The following ADAMTS12 variants were observed in gnomAD, a reference collection of about 807,000 sequenced individuals.
ADAMTS12 encodes the protein ADAM metallopeptidase with thrombospondin type 1 motif 12, also known as A disintegrin and metalloproteinase with thrombospondin motifs 12.
ADAMTS12 carries 118 observed loss-of-function variants against 167.8 expected under a neutral mutation model. The observed-to-expected ratio is 0.70, with a 90% CI of 0.61 to 0.82. The LOEUF (loss-of-function observed/expected upper bound fraction) is 0.82. Ranked by LOEUF, ADAMTS12 falls within the 40% of genes least tolerant of loss-of-function variation. The pLI is 0.00. For missense variants in ADAMTS12, 1,916 were observed against 1,998.8 expected (o/e 0.96, Z 0.79); for synonymous variants, 704 against 716.9 (o/e 0.98, Z 0.29).
intron 2 of ADAMTS12, among the ~76,000 whole-genome samples, chr5:33,793,421 C>T (rs943006543): frequency 6.6e-6 from 1 of 152,126 alleles, no homozygotes; most frequent in Non-Finnish European, 1.5e-5. Flanking sequence ...TTCTGAATTG[C>T]TTAAAATAGT....
At chr5:33,607,222 C>A (rs1738491859) in intron 16 of ADAMTS12, among the ~76,000 whole-genome samples, 1 of 151,784 alleles carries the variant, frequency 6.6e-6, no homozygotes, top group African/African-American at 2.4e-5. Flanking sequence ...AGGCCCAATG[C>A]AATGCAATGC....
rs573216073 is a variant in ADAMTS12, at chr5:33,804,039, A to G, written c.490-52491T>C. Among the ~76,000 whole-genome samples the G allele has an allele frequency of 4.5e-4, 69 of 152,296 alleles. 1 individual carries two copies. The South Asian group carries it at 0.014, about 31-fold the overall frequency. On this transcript the variant is annotated intron_variant, in intron 2 of 23. Transcript: ENST00000504830. ...AATGTCTTTAACTTCCCTAGGCCTT[A>G]ATTTTCTCATTAAAAATGGAGACAG...
At chr5:33,713,969 T>C (rs1743504590) in intron 3 of ADAMTS12, among the ~76,000 whole-genome samples, 1 of 152,114 alleles carries the variant, frequency 6.6e-6, no homozygotes, top group African/African-American at 2.4e-5. Context: ...AAGAGCATGG[T>C]AGTCTTGGTT....
At chr5:33,767,124 T>C (rs955638563) in intron 2 of ADAMTS12, among the ~76,000 whole-genome samples, 1 of 152,196 alleles carries the variant, frequency 6.6e-6, no homozygotes, top group South Asian at 2.1e-4. Context: ...ATGTGTTACA[T>C]TTTTAACGAC....
chr5:33,537,786 T>G (rs773643050), intron 22 of ADAMTS12, among the ~76,000 whole-genome samples: 1 of 152,244 alleles, frequency 6.6e-6, no homozygotes, highest in Non-Finnish European at 1.5e-5. Flanking sequence ...GCTGTGCCGG[T>G]GCAACTATGC....
At chr5:33,722,270 C>T (rs1743833306) in intron 3 of ADAMTS12, among the ~76,000 whole-genome samples, 1 of 152,128 alleles carries the variant, frequency 6.6e-6, no homozygotes, top group African/African-American at 2.4e-5. Context: ...TAGATCTTTC[C>T]AATGGACAAG....
At chr5:33,774,783 G>GT (rs1305919959) in intron 2 of ADAMTS12, among the ~76,000 whole-genome samples, 4 of 152,128 alleles carry the variant, frequency 2.6e-5, no homozygotes, top group Non-Finnish European at 4.4e-5. Flanking sequence ...TTCATTAACT[G>GT]TTACTCATGT....
intron 2 of ADAMTS12, among the ~76,000 whole-genome samples, chr5:33,837,312 G>A (rs528844390): frequency 1.3e-5 from 2 of 152,300 alleles, no homozygotes; most frequent in African/African-American, 2.4e-5. Flanking sequence ...AGACAGAATC[G>A]ACCAGGCAAT....
At chr5:33,850,299 T>A (rs1820137) in intron 2 of ADAMTS12, among the ~76,000 whole-genome samples, 71,062 of 151,928 alleles carry the variant, frequency 0.47, 18,577 homozygotes, top group African/African-American at 0.69. Context: ...AAAGTTTCAC[T>A]AAAAGAGAGG....
chr5:33,601,106 AGTGTGTGTGTGTGTGT>A (rs55841502), intron 16 of ADAMTS12, among the ~76,000 whole-genome samples: 91 of 145,920 alleles, frequency 6.2e-4, no homozygotes, highest in Middle Eastern at 3.5e-3. Context: ...CACATTTAAG[AGTGTGTGTGTGTGTGT>A]GTGTGTGTGT....
At position 33,569,720 on chromosome 5, in the gene ADAMTS12, C is replaced by T. The variant is rs570842396; in HGVS notation, c.3972+6334G>A. Among the ~76,000 whole-genome samples, 4 of 152,302 alleles carry T rather than the reference C, an allele frequency of 2.6e-5. No homozygotes were observed. In the East Asian group the frequency reaches 7.7e-4, roughly 29 times the overall value. ...TCCTCCAAAGGAATGCAGTTCCTCA[C>T]CAGCAATGGAACAAAGCTGGATGGA... On this transcript the variant is annotated intron_variant, in intron 19 of 23. Coordinates refer to ENST00000504830, the MANE Select transcript of ADAMTS12 (RefSeq NM_030955.4).
chr5:33,529,629 T>G (rs907085802), intron 23 of ADAMTS12, among the ~76,000 whole-genome samples: 2 of 152,170 alleles, frequency 1.3e-5, no homozygotes, highest in African/African-American at 4.8e-5. Context: ...TTTTTTCACC[T>G]TTAGATCATA....
At chr5:33,534,048 A>T (rs548585797) in intron 23 of ADAMTS12, among the ~76,000 whole-genome samples, 5 of 152,314 alleles carry the variant, frequency 3.3e-5, no homozygotes, top group African/African-American at 9.6e-5. Flanking sequence ...TGAAGCCCAA[A>T]CAATCAGTGG....
intron 2 of ADAMTS12, among the ~76,000 whole-genome samples, chr5:33,818,227 T>C (rs2112497902): frequency 6.6e-6 from 1 of 152,178 alleles, no homozygotes; most frequent in Admixed American, 6.5e-5. Context: ...ATATATATCT[T>C]ATATATTTGC....
At chr5:33,704,205 T>G (rs1579855070) in intron 3 of ADAMTS12, among the ~76,000 whole-genome samples, 1 of 152,194 alleles carries the variant, frequency 6.6e-6, no homozygotes, top group Non-Finnish European at 1.5e-5. Flanking sequence ...ACAACAGTAT[T>G]TCATTGTATG....
At chr5:33,865,465 C>T (rs182770154) in intron 2 of ADAMTS12, among the ~76,000 whole-genome samples, 1 of 151,980 alleles carries the variant, frequency 6.6e-6, no homozygotes. Context: ...AATGGACATA[C>T]CTCAAAATAA....
At chr5:33,881,625 G>A (rs1421115014) in intron 1 of ADAMTS12, 145 bp from the exon 2 acceptor site, 10 of 1,184,172 alleles carry the variant, frequency 8.4e-6, no homozygotes, top group Non-Finnish European at 1.2e-5. Context: ...GCAATGGCAC[G>A]ATCCGGGCTC....
intron 1 of ADAMTS12, among the ~76,000 whole-genome samples, chr5:33,890,783 A>G (rs1214062961): frequency 6.6e-6 from 1 of 152,128 alleles, no homozygotes; most frequent in Non-Finnish European, 1.5e-5. Context: ...GAGTCAGACT[A>G]CCTGAGCTGA....
At position 33,859,630 on chromosome 5, in the gene ADAMTS12, G is replaced by A. The variant is rs554420866; in HGVS notation, c.489+21489C>T. On this transcript the variant is annotated intron_variant, in intron 2 of 23. Transcript: ENST00000504830. ...GCCTGCTGGCTCTGAAGAGAGCAGT[G>A]GATCTCCCAGCACAGTGCTCAAGCT... Among the ~76,000 whole-genome samples, 45 of 152,282 alleles carry A rather than the reference G, an allele frequency of 3.0e-4. No individual in the cohort carries two copies. In the South Asian group the frequency reaches 8.9e-3, roughly 30 times the overall value.
Sources: gnomAD v4.1 joint callset for allele counts (sites outside exome capture counted in the v4.1 genomes callset) on GRCh38, gnomAD v4.1.1 for gene constraint, MANE v1.5 for transcripts, NCBI Gene and HGNC (gene_info 2026-07-23, HGNC 2026-07-21) for gene names.